Variants in TTC28 observed in about 807,000 individuals in gnomAD.
The protein encoded by TTC28 is tetratricopeptide repeat protein 28.
A neutral mutation model predicts 198.0 loss-of-function variants in TTC28; 61 were observed. That is an observed-to-expected ratio of 0.31 (90% CI 0.25 to 0.38). The LOEUF (loss-of-function observed/expected upper bound fraction) is 0.38. TTC28 is among the 10% of genes least tolerant of loss of function. The pLI, the probability that TTC28 is intolerant of heterozygous loss-of-function variation, is 1.00. For synonymous variants in TTC28, 1,171 were observed against 1,297.8 expected, an observed-to-expected ratio of 0.90 and a Z score of 2.10; for missense variants, 2,678 against 3,164.0, an observed-to-expected ratio of 0.85 and a Z score of 3.69.
chr22:28,546,542 A>G (rs1169503131), intron 2 of TTC28, among the ~76,000 whole-genome samples: 1 of 152,232 alleles, frequency 6.6e-6, no homozygotes, highest in Non-Finnish European at 1.5e-5. Flanking sequence ...GAGCATGTAA[A>G]GTGGTACAAA....
Position 28,091,663 on chromosome 22 carries a change from C to G in TTC28, c.3932+2417G>C, listed in dbSNP as rs554764055. Among the ~76,000 whole-genome samples, 122 of 152,170 alleles carry G rather than the reference C, an allele frequency of 8.0e-4. 1 individual carries two copies. Among genetic ancestry groups the G allele is most frequent in the African/African-American group, 2.8e-3 (116 of 41,522 alleles). ...GACCCCATGGTGGACATGGGGTCAC[C>G]GTGCTCTCTTAGATCCCTGCTGTCC... On this transcript the variant is annotated intron_variant, in intron 12 of 22. Coordinates refer to ENST00000397906, the MANE Select transcript of TTC28 (RefSeq NM_001145418.2).
chr22:28,260,549 A>G (rs1388253786), intron 5 of TTC28, among the ~76,000 whole-genome samples: 2 of 152,188 alleles, frequency 1.3e-5, no homozygotes, highest in Admixed American at 6.5e-5. Context: ...AAGACAAAAA[A>G]TAGAACTCAT....
At chr22:28,561,072 C>CTTT (rs11296581) in intron 2 of TTC28, among the ~76,000 whole-genome samples, 3 of 58,728 alleles carry the variant, frequency 5.1e-5, no homozygotes, top group Admixed American at 2.1e-4. Context: ...CCTTCATTTT[C>CTTT]TTTTTTTTTT....
intron 2 of TTC28, among the ~76,000 whole-genome samples, chr22:28,461,635 G>A (rs529546260): frequency 2.2e-4 from 34 of 151,944 alleles, no homozygotes; most frequent in Non-Finnish European, 4.3e-4. Context: ...CACCATGTTG[G>A]CCAGGCTCGT....
intron 12 of TTC28, among the ~76,000 whole-genome samples, chr22:28,035,872 G>T (rs1939320021): frequency 6.6e-6 from 1 of 152,122 alleles, no homozygotes; most frequent in Non-Finnish European, 1.5e-5. Flanking sequence ...AACCAACAAA[G>T]ATCAAAAGAG....
chr22:28,613,603 G>A (rs1006233741), intron 2 of TTC28, among the ~76,000 whole-genome samples: 1 of 152,168 alleles, frequency 6.6e-6, no homozygotes, highest in South Asian at 2.1e-4. Context: ...TATCCACCAT[G>A]ATCAAGTGGG....
chr22:28,290,187 G>A (rs1410503831), intron 5 of TTC28, among the ~76,000 whole-genome samples: 1 of 152,106 alleles, frequency 6.6e-6, no homozygotes, highest in Non-Finnish European at 1.5e-5. Flanking sequence ...CCCACGCATA[G>A]CATTTACAGT....
intron 2 of TTC28, among the ~76,000 whole-genome samples, chr22:28,564,836 AT>A (rs1243283979): frequency 6.1e-5 from 9 of 147,748 alleles, no homozygotes; most frequent in South Asian, 4.2e-4. Context: ...ATAATTTATA[AT>A]TTTTTATATA....
chr22:28,531,382 A>G (rs1469845153), intron 2 of TTC28, among the ~76,000 whole-genome samples: 5 of 152,236 alleles, frequency 3.3e-5, no homozygotes, highest in Non-Finnish European at 5.9e-5. Context: ...ATATGCACTC[A>G]ATACAGGAGT....
At chr22:28,594,631 A>G (rs751305029) in intron 2 of TTC28, among the ~76,000 whole-genome samples, 25 of 152,288 alleles carry the variant, frequency 1.6e-4, no homozygotes, top group Non-Finnish European at 3.1e-4. Context: ...CAGTAATAGT[A>G]TAATATAGTA....
At chr22:28,223,938 A>C (rs1020816388) in intron 5 of TTC28, among the ~76,000 whole-genome samples, 1 of 152,222 alleles carries the variant, frequency 6.6e-6, no homozygotes, top group African/African-American at 2.4e-5. Flanking sequence ...ACAGACTAAC[A>C]GTTTATAAAA....
rs1936968804 is a variant in TTC28 at position 27,980,304 on chromosome 22, T to TAACA, written c.*1913_*1916dup. ...CTTTTATTACCATTTTTTCCCCTAC[T>TAACA]AACATAAAGAAACCCTCATAATTGC... On this transcript the variant is annotated 3_prime_UTR_variant, in exon 23 of 23. Transcript: ENST00000397906. The TAACA allele has an allele frequency of 1.3e-5, 2 of 152,238 alleles. No homozygotes were observed. Among genetic ancestry groups the TAACA allele is most frequent in the African/African-American group, 4.8e-5 (2 of 41,464 alleles). 9.4% of individuals were successfully genotyped at this position (152,238 alleles called of 1,614,324 possible).
At chr22:28,379,972 G>C (rs531551209) in intron 2 of TTC28, among the ~76,000 whole-genome samples, 1 of 151,786 alleles carries the variant, frequency 6.6e-6, no homozygotes, top group Admixed American at 6.6e-5. Flanking sequence ...GGACATCCAC[G>C]GGAAAACTAG....
chr22:28,042,874 C>T (rs1390443733), intron 12 of TTC28, among the ~76,000 whole-genome samples: 1 of 152,160 alleles, frequency 6.6e-6, no homozygotes, highest in South Asian at 2.1e-4. Flanking sequence ...ACAGGCTACA[C>T]GTTGGGGATG....
chr22:28,573,695 A>C (rs2050098704), intron 2 of TTC28, among the ~76,000 whole-genome samples: 1 of 152,102 alleles, frequency 6.6e-6, no homozygotes, highest in African/African-American at 2.4e-5. Context: ...TCTTTGTGTT[A>C]CAAACAATCT....
In TTC28 at chr22:27,981,519, C is replaced by CATA. The variant is rs1464434547; in HGVS notation, c.*699_*701dup. On this transcript the variant is annotated 3_prime_UTR_variant, in exon 23 of 23. Transcript: ENST00000397906. ...TTCTAAAATGCCTGGATAAGAGTTA[C>CATA]ATAATTTTTTTTTTAAGAAAATTCA... 1 of 151,768 alleles carries CATA rather than the reference C, an allele frequency of 6.6e-6. No individual in the cohort carries two copies. Among genetic ancestry groups the CATA allele is most frequent in the African/African-American group, 2.4e-5 (1 of 41,282 alleles). The allele number at this position is 151,768 out of a possible 1,614,324, so 9.4% of individuals were successfully genotyped here.
At chr22:28,388,163 G>A (rs892089374) in intron 2 of TTC28, among the ~76,000 whole-genome samples, 21 of 152,076 alleles carry the variant, frequency 1.4e-4, no homozygotes, top group African/African-American at 3.4e-4. Context: ...GTAGATATGC[G>A]GCGTTATTTC....
intron 5 of TTC28, among the ~76,000 whole-genome samples, chr22:28,238,449 T>A (rs1929415088): frequency 6.6e-6 from 1 of 152,200 alleles, no homozygotes; most frequent in South Asian, 2.1e-4. Context: ...TCCAGTTCTT[T>A]TATATTCTAT....
intron 12 of TTC28, among the ~76,000 whole-genome samples, chr22:28,071,915 A>T: frequency 6.6e-6 from 1 of 152,192 alleles, no homozygotes; most frequent in East Asian, 1.9e-4. Flanking sequence ...CTAGGAAAGA[A>T]CATCTCATTA....
Sources: gnomAD v4.1 joint callset for allele counts (sites outside exome capture counted in the v4.1 genomes callset) on GRCh38, gnomAD v4.1.1 for gene constraint, MANE v1.5 for transcripts, NCBI Gene and HGNC (gene_info 2026-07-23, HGNC 2026-07-21) for gene names.